The following ATG4B variants were observed in gnomAD, a reference collection of about 807,000 sequenced individuals.
The protein encoded by ATG4B is autophagy related 4B cysteine peptidase.
Under a neutral mutation model 56.6 loss-of-function variants are expected in ATG4B, and 29 were observed. That is an observed-to-expected ratio of 0.51 (90% CI 0.38 to 0.70). The LOEUF is 0.70. Ranked by LOEUF, ATG4B falls within the 30% of genes least tolerant of loss-of-function variation. The probability of loss-of-function intolerance (pLI) is 0.00; values close to 1 mark genes in which losing one functional copy is unlikely to be tolerated. For missense variants in ATG4B, 461 were observed against 515.5 expected (o/e 0.89, Z 1.02); for synonymous variants, 224 against 206.1 (o/e 1.09, Z -0.74).
Position 241,673,681 on chromosome 2 carries a change from A to G in ATG4B, c.*1417A>G, listed in dbSNP as rs1345928729. 1 of 456,092 alleles carries G rather than the reference A, an allele frequency of 2.2e-6. No homozygotes were observed. The highest frequency in any genetic ancestry group is 4.4e-6 in the Non-Finnish European group (1 of 227,070). The allele number at this position is 456,092 out of a possible 1,614,324, so 28.3% of individuals were successfully genotyped here. Reference sequence around the variant, plus strand: ...CTCCATTCCTTGGGCTCCACGTCCGAGTTCATGGTGCGCCGCTGTGCTGGG... The same window carrying G: ...CTCCATTCCTTGGGCTCCACGTCCGGGTTCATGGTGCGCCGCTGTGCTGGG... On this transcript the variant is annotated 3_prime_UTR_variant, in exon 13 of 13. Coordinates refer to ENST00000404914, the MANE Select transcript of ATG4B (RefSeq NM_013325.5).
intron 12 of ATG4B, chr2:241,671,606 C>T (rs982880361): frequency 1.1e-5 from 17 of 1,498,336 alleles, no homozygotes; most frequent in African/African-American, 5.5e-5. Flanking sequence ...CCAGGACCCA[C>T]CTCGTCTTCC....
chr2:241,668,144 A>G lies in ATG4B; in HGVS notation c.734A>G (p.His245Arg), dbSNP rs2068838354. Residue 245 changes from histidine to arginine, a missense_variant and splice_region_variant, in exon 9 of 13, where the codon CAC (histidine) becomes CGC (arginine). Transcript: ENST00000404914. This position sits in a 1 kb window ranked among gnomAD's most constrained non-coding sequence, Gnocchi z 4.2. ...GCTCAGTCCCCCGCCCCTCCACAGCACTGCTTCATGATGCCCCAGTCCCTG... is the reference window on the plus strand; with the variant it reads ...GCTCAGTCCCCCGCCCCTCCACAGCGCTGCTTCATGATGCCCCAGTCCCTG... ...INEAYVETLK[H>R]CFMMPQSLGV... The G allele has an allele frequency of 6.3e-7, 1 of 1,597,860 alleles. No individual in the cohort carries two copies. The highest frequency in any genetic ancestry group is 1.3e-5 in the African/African-American group (1 of 74,352).
intron 8 of ATG4B, among the ~76,000 whole-genome samples, chr2:241,667,518 C>T (rs1205375139): frequency 6.6e-6 from 1 of 151,408 alleles, no homozygotes; most frequent in Non-Finnish European, 1.5e-5. Flanking sequence ...GCAGGAGAAT[C>T]TCTTGAACCC....
At position 241,672,318 on chromosome 2, in the gene ATG4B, T is replaced by A; in HGVS notation, c.*54T>A. On this transcript the variant is annotated 3_prime_UTR_variant, in exon 13 of 13. Coordinates refer to ENST00000404914, the MANE Select transcript of ATG4B (RefSeq NM_013325.5). ...GAGAGCCTGGGGCTCCTGGTGCCGC[T>A]GCGTTTCATCCATCCCGCCCGCTCG... The A allele has an allele frequency of 6.8e-7, 1 of 1,468,626 alleles. No individual in the cohort carries two copies. The highest frequency in any genetic ancestry group is 9.3e-7 in the Non-Finnish European group (1 of 1,072,446). 91.0% of individuals were successfully genotyped at this position (1,468,626 alleles called of 1,614,324 possible). A position where few individuals can be genotyped will look rare whatever the true frequency, so the allele number is the denominator to read the frequency against.
At chr2:241,656,310 C>T (rs546318277) in intron 6 of ATG4B, among the ~76,000 whole-genome samples, 7 of 152,180 alleles carry the variant, frequency 4.6e-5, no homozygotes, top group Non-Finnish European at 1.0e-4. Context: ...CCGCGTCCCA[C>T]GTCACCCCCG....
intron 7 of ATG4B, among the ~76,000 whole-genome samples, chr2:241,661,265 T>G (rs2068584932): frequency 6.6e-6 from 1 of 152,204 alleles, no homozygotes; most frequent in South Asian, 2.1e-4. Context: ...AGGTGCCTGA[T>G]GCCCCCATTT....
At chr2:241,663,699 G>C (rs1252371514) in intron 7 of ATG4B, among the ~76,000 whole-genome samples, 1 of 152,178 alleles carries the variant, frequency 6.6e-6, no homozygotes, top group Non-Finnish European at 1.5e-5. Context: ...AAATGTATTA[G>C]GCCAGGTGTA....
intron 7 of ATG4B, chr2:241,659,436 G>C (rs1030956086): frequency 5.3e-6 from 3 of 569,650 alleles, no homozygotes; most frequent in Non-Finnish European, 1.0e-5. Context: ...GTCGTGTTTT[G>C]TGTCTTGGTT....
In ATG4B at chr2:241,672,826, G is replaced by C. The variant is rs2069027715; in HGVS notation, c.*562G>C. 6.2e-6 allele frequency: 1 copy of C among 161,804 alleles called. No homozygotes were observed. The highest frequency in any genetic ancestry group is 1.4e-5 in the Non-Finnish European group (1 of 73,216). 10.0% of individuals were successfully genotyped at this position (161,804 alleles called of 1,614,324 possible). A position where few individuals can be genotyped will look rare whatever the true frequency, so the allele number is the denominator to read the frequency against. On this transcript the variant is annotated 3_prime_UTR_variant, in exon 13 of 13. Coordinates refer to ENST00000404914, the MANE Select transcript of ATG4B (RefSeq NM_013325.5). ...GGCTACCTCAGTGGGAGATGAGGTTGGAGGAACGAAGGCGAGGTTCCTCCT... is the reference window on the plus strand; with the variant it reads ...GGCTACCTCAGTGGGAGATGAGGTTCGAGGAACGAAGGCGAGGTTCCTCCT...
intron 10 of ATG4B, among the ~76,000 whole-genome samples, chr2:241,670,095 C>A (rs2068914252): frequency 6.6e-6 from 1 of 152,240 alleles, no homozygotes; most frequent in South Asian, 2.1e-4. Flanking sequence ...AGAATGGTGT[C>A]TTCAGGGGAA....
At position 241,672,498 on chromosome 2, in the gene ATG4B, G is replaced by A. The variant is rs577932442; in HGVS notation, c.*234G>A. On this transcript the variant is annotated 3_prime_UTR_variant, in exon 13 of 13. Coordinates refer to ENST00000404914, the MANE Select transcript of ATG4B (RefSeq NM_013325.5). The stretch of plus-strand genomic sequence containing the variant: ...GGCCTGTGCATCCGCACGCGGAGCC[G>A]TCTGTTAGGAGCTTCCAGAGTGTTC... 183 of 569,714 alleles carry A rather than the reference G, an allele frequency of 3.2e-4. 1 individual carries two copies. The highest frequency in any genetic ancestry group is 2.9e-3 in the African/African-American group (152 of 53,262). 35.3% of individuals were successfully genotyped at this position (569,714 alleles called of 1,614,324 possible). A position where few individuals can be genotyped will look rare whatever the true frequency, so the allele number is the denominator to read the frequency against.
At chr2:241,670,130 C>T (rs1350279201) in intron 10 of ATG4B, among the ~76,000 whole-genome samples, 3 of 152,302 alleles carry the variant, frequency 2.0e-5, no homozygotes, top group Admixed American at 2.0e-4. Context: ...TGAGCTTCTC[C>T]CCCCATTTCG....
chr2:241,644,873 C>T (rs952192441), intron 1 of ATG4B, among the ~76,000 whole-genome samples: 3 of 151,416 alleles, frequency 2.0e-5, no homozygotes, highest in African/African-American at 7.3e-5. Flanking sequence ...CGCTTGAAAC[C>T]GGGAGGCGGA....
In ATG4B at chr2:241,672,180, G is replaced by A. The variant is rs1375447718; in HGVS notation, c.1109-11G>A. On this transcript the variant is annotated splice_polypyrimidine_tract_variant and intron_variant, in intron 12 of 12. Transcript: ENST00000404914. ...CAAGATGCCTGATGCGCTATGTCCTGTTCCTTCTAGATTCTTCTGATGTAG... is the reference window on the plus strand; with the variant it reads ...CAAGATGCCTGATGCGCTATGTCCTATTCCTTCTAGATTCTTCTGATGTAG... 1.3e-6 allele frequency: 2 copies of A among 1,571,216 alleles called. No individual in the cohort carries two copies. Among genetic ancestry groups the A allele is most frequent in the Non-Finnish European group, 1.7e-6 (2 of 1,157,716 alleles).
At chr2:241,640,728 A>C (rs1163168225) in intron 1 of ATG4B, among the ~76,000 whole-genome samples, 2 of 152,172 alleles carry the variant, frequency 1.3e-5, no homozygotes, top group East Asian at 3.9e-4. Context: ...TTTGACGAAG[A>C]CTTAAAGCAG....
intron 1 of ATG4B, among the ~76,000 whole-genome samples, chr2:241,647,622 CAAAAAAAAAA>C (rs35875880): frequency 8.5e-6 from 1 of 117,678 alleles, no homozygotes; most frequent in Non-Finnish European, 1.8e-5. Flanking sequence ...GACTCCGTCT[CAAAAAAAAAA>C]AAAAAAAAAA....
intron 7 of ATG4B, among the ~76,000 whole-genome samples, chr2:241,664,492 T>G (rs188865490): frequency 1.2e-4 from 19 of 152,148 alleles, no homozygotes; most frequent in Non-Finnish European, 2.1e-4. Context: ...GAGACATGAT[T>G]GCACCACTTC....
rs553994526 is a variant in ATG4B at position 241,672,336 on chromosome 2, C to T, written c.*72C>T. 1.5e-5 allele frequency: 20 copies of T among 1,373,526 alleles called. No homozygotes were observed. The African/African-American group carries it at 1.7e-4, about 12-fold the overall frequency. The allele number at this position is 1,373,526 out of a possible 1,614,324, so 85.1% of individuals were successfully genotyped here. A position where few individuals can be genotyped will look rare whatever the true frequency, so the allele number is the denominator to read the frequency against. ...GTGCCGCTGCGTTTCATCCATCCCG[C>T]CCGCTCGCCTGCCGAGGGCTGCGCC... On this transcript the variant is annotated 3_prime_UTR_variant, in exon 13 of 13. Transcript: ENST00000404914.
At chr2:241,655,378 A>G (rs1056450417) in intron 6 of ATG4B, 35 bp downstream of exon 6, 3 of 1,581,576 alleles carry the variant, frequency 1.9e-6, no homozygotes, top group Non-Finnish European at 1.7e-6. Flanking sequence ...AGCATGGGGC[A>G]GCAGGGATGT....
Sources: allele counts gnomAD v4.1 joint callset (sites outside exome capture counted in the v4.1 genomes callset), GRCh38; gene constraint gnomAD v4.1.1; non-coding constraint Gnocchi (gnomAD v3.1); transcripts MANE v1.5; gene names NCBI Gene and HGNC (gene_info 2026-07-23, HGNC 2026-07-21).